Variants in ARHGAP32 observed in about 807,000 individuals in gnomAD.
ARHGAP32 encodes the protein rho GTPase-activating protein 32.
A neutral mutation model predicts 186.5 loss-of-function variants in ARHGAP32; 51 were observed. That is an observed-to-expected ratio of 0.27 (90% CI 0.22 to 0.35). ARHGAP32 has a LOEUF of 0.35. ARHGAP32 is among the 10% of genes least tolerant of loss of function. ARHGAP32 has a pLI of 1.00. For synonymous variants in ARHGAP32, 950 were observed against 964.3 expected, an observed-to-expected ratio of 0.99 and a Z score of 0.27; for missense variants, 2,186 against 2,623.5, an observed-to-expected ratio of 0.83 and a Z score of 3.64.
chr11:129,128,213 C>G (rs779132069), intron 2 of ARHGAP32, among the ~76,000 whole-genome samples: 9 of 152,258 alleles, frequency 5.9e-5, no homozygotes, highest in South Asian at 4.2e-4. Context: ...ATCCTGTATA[C>G]AGTATATTGG....
At chr11:128,973,479 G>T in intron 21 of ARHGAP32, 47 bp from the exon 22 acceptor site, 1 of 1,593,244 alleles carries the variant, frequency 6.3e-7, no homozygotes. Context: ...GGTAGCTTAC[G>T]TTATCCTAAA....
intron 11 of ARHGAP32, among the ~76,000 whole-genome samples, chr11:129,032,899 A>C (rs1157069128): frequency 5.9e-5 from 9 of 152,220 alleles, no homozygotes; most frequent in Non-Finnish European, 1.0e-4. Flanking sequence ...CCAGTACTCC[A>C]GAATCCTCTC....
chr11:129,178,656 G>T (rs1943976989), intron 1 of ARHGAP32, among the ~76,000 whole-genome samples: 1 of 152,110 alleles, frequency 6.6e-6, no homozygotes, highest in Admixed American at 6.5e-5. Context: ...ACAACTATCT[G>T]ATCTTTGACA....
chr11:129,218,195 C>T (rs769668434), intron 1 of ARHGAP32, among the ~76,000 whole-genome samples: 28 of 152,202 alleles, frequency 1.8e-4, no homozygotes, highest in South Asian at 6.2e-4. Flanking sequence ...ATATTAAATA[C>T]GTTAAATAAT....
intron 21 of ARHGAP32, 89 bp downstream of exon 21, chr11:128,974,035 A>G: frequency 6.8e-7 from 1 of 1,464,838 alleles, no homozygotes; most frequent in South Asian, 1.3e-5. Context: ...CTAGCTGTGG[A>G]CAAATTTCTC....
At chr11:129,160,797 G>GA (rs1180316615) in intron 2 of ARHGAP32, among the ~76,000 whole-genome samples, 3 of 152,074 alleles carry the variant, frequency 2.0e-5, no homozygotes, top group Non-Finnish European at 2.9e-5. Context: ...CACAGAATTA[G>GA]AAAAAACTAC....
intron 6 of ARHGAP32, among the ~76,000 whole-genome samples, chr11:129,071,071 C>T (rs1437276161): frequency 1.3e-5 from 2 of 151,968 alleles, no homozygotes; most frequent in South Asian, 4.1e-4. Flanking sequence ...CTGTAACCTA[C>T]TTAGGCCTTT....
chr11:129,102,317 C>T (rs946806686), intron 5 of ARHGAP32, among the ~76,000 whole-genome samples: 6 of 152,132 alleles, frequency 3.9e-5, no homozygotes, highest in African/African-American at 1.4e-4. Flanking sequence ...AACCAGCTAA[C>T]ATCATGATGA....
upstream of ARHGAP32, among the ~76,000 whole-genome samples, chr11:129,194,650 A>G (rs941968305): frequency 6.6e-6 from 1 of 151,994 alleles, no homozygotes; most frequent in East Asian, 1.9e-4. Context: ...GAGAAGAGGA[A>G]TAAAAGAAAG....
chr11:129,172,897 G>C (rs1943798646), intron 1 of ARHGAP32, among the ~76,000 whole-genome samples: 1 of 149,848 alleles, frequency 6.7e-6, no homozygotes, highest in African/African-American at 2.5e-5. Context: ...CTAAAGGCAA[G>C]AGCAAACTAA....
chr11:129,063,848 GA>G, intron 9 of ARHGAP32, 53 bp downstream of exon 9: 1 of 1,546,970 alleles, frequency 6.5e-7, no homozygotes, highest in South Asian at 1.3e-5. Flanking sequence ...AGTCAAAGAT[GA>G]GGCCAGAAAG....
chr11:129,008,980 T>C (rs1468389194), intron 11 of ARHGAP32, among the ~76,000 whole-genome samples: 1 of 152,236 alleles, frequency 6.6e-6, no homozygotes, highest in Non-Finnish European at 1.5e-5. Context: ...ATCAAACCAT[T>C]TATGTTCATT....
At position 128,986,665 on chromosome 11, in the gene ARHGAP32, A is replaced by G. The variant is rs1441788928; in HGVS notation, c.1302T>C (p.His434=). The change falls in exon 14 of 23, where the codon CAT becomes CAC. Residue 434 remains histidine, a synonymous_variant. Coordinates refer to ENST00000682385, the MANE Select transcript of ARHGAP32 (RefSeq NM_001378024.1). ...CGGGGACGTGCTCAGAGTCAAATTC[A>G]TGGCTGACGTAGACAGAAGAGGACA... ...GVASNIQRLR[H]EFDSEHVPDL... 1 of 1,613,786 alleles carries G rather than the reference A, an allele frequency of 6.2e-7. No individual in the cohort carries two copies. The highest frequency in any genetic ancestry group is 1.1e-5 in the South Asian group (1 of 91,010).
rs376023979 is a variant in ARHGAP32 at position 129,073,892 on chromosome 11, A to G, written c.532-7024T>C. 3.8e-3 allele frequency among the ~76,000 whole-genome samples: 577 copies of G among 152,300 alleles called. 1 individual carries two copies. The highest frequency in any genetic ancestry group is 0.014 in the Middle Eastern group (4 of 294). On this transcript the variant is annotated intron_variant, in intron 6 of 22. Coordinates refer to ENST00000682385, the MANE Select transcript of ARHGAP32 (RefSeq NM_001378024.1). Reference sequence around the variant, plus strand: ...AGGGTCAAAATCGGAATTATATAACATATTCTCAGAAACCACAGAAGCAAG... The same window carrying G: ...AGGGTCAAAATCGGAATTATATAACGTATTCTCAGAAACCACAGAAGCAAG...
chr11:129,135,563 C>T (rs1230994914), intron 2 of ARHGAP32, among the ~76,000 whole-genome samples: 5 of 152,044 alleles, frequency 3.3e-5, no homozygotes, highest in South Asian at 2.1e-4. Flanking sequence ...GTCAGGAGAT[C>T]GAGACCATCC....
intron 2 of ARHGAP32, among the ~76,000 whole-genome samples, chr11:129,141,887 G>T (rs550628029): frequency 1.4e-4 from 22 of 152,022 alleles, no homozygotes; most frequent in African/African-American, 5.3e-4. Context: ...GAAAGAGAAA[G>T]TCACAAGCTA....
intron 11 of ARHGAP32, among the ~76,000 whole-genome samples, chr11:129,019,509 A>C (rs1014099202): frequency 1.4e-4 from 21 of 152,166 alleles, no homozygotes; most frequent in African/African-American, 4.6e-4. Flanking sequence ...ATAAATTCTA[A>C]TTATCTCCCA....
chr11:129,134,084 A>G (rs968232266), intron 2 of ARHGAP32, among the ~76,000 whole-genome samples: 2 of 152,178 alleles, frequency 1.3e-5, no homozygotes, highest in Non-Finnish European at 2.9e-5. Context: ...ATTGGAACCA[A>G]GAGTATGTAA....
At chr11:129,072,871 C>A (rs1200905158) in intron 6 of ARHGAP32, among the ~76,000 whole-genome samples, 1 of 152,178 alleles carries the variant, frequency 6.6e-6, no homozygotes, top group African/African-American at 2.4e-5. Context: ...TCAACAAAGT[C>A]TGCCCTCAGG....
Sources: gnomAD v4.1 joint callset for allele counts (sites outside exome capture counted in the v4.1 genomes callset) on GRCh38, gnomAD v4.1.1 for gene constraint, MANE v1.5 for transcripts, NCBI Gene and HGNC (gene_info 2026-07-23, HGNC 2026-07-21) for gene names.